Variants in SUGCT observed in about 807,000 individuals in gnomAD.
SUGCT encodes the protein succinyl-CoA:glutarate CoA-transferase.
A neutral mutation model predicts 55.0 loss-of-function variants in SUGCT; 41 were observed. The observed-to-expected ratio is 0.74, with a 90% CI of 0.58 to 0.97. The LOEUF is 0.97. Among genes scored for constraint, SUGCT ranks in the 50% least tolerant of loss-of-function variants. The pLI is 0.00. For synonymous variants in SUGCT, 187 were observed against 200.4 expected (o/e 0.93, Z 0.56); for missense variants, 568 against 547.8 (o/e 1.04, Z -0.37).
At chr7:40,215,816 C>T (rs1009508425) in intron 6 of SUGCT, among the ~76,000 whole-genome samples, 20 of 151,200 alleles carry the variant, frequency 1.3e-4, no homozygotes, top group African/African-American at 3.4e-4. Context: ...GAGCCGAGAT[C>T]GCGCCACTGC....
chr7:40,169,084 T>A (rs1784552391), intron 1 of SUGCT, among the ~76,000 whole-genome samples: 1 of 152,182 alleles, frequency 6.6e-6, no homozygotes, highest in South Asian at 2.1e-4. Context: ...CTCTCCATAT[T>A]GCTGTGTGGG....
intron 12 of SUGCT, among the ~76,000 whole-genome samples, chr7:40,704,844 C>T (rs982511428): frequency 3.3e-5 from 5 of 152,130 alleles, no homozygotes; most frequent in Admixed American, 2.0e-4. Flanking sequence ...GTTTCACAGA[C>T]GGTAAAGCTG....
At chr7:40,927,944 T>G in the SUGCT span, among the ~76,000 whole-genome samples, 1 of 152,198 alleles carries the variant, frequency 6.6e-6, no homozygotes, top group African/African-American at 2.4e-5. Flanking sequence ...TTATTTTTCC[T>G]TGGCATTTAA....
chr7:40,454,801 G>T (rs1789388157), intron 10 of SUGCT, among the ~76,000 whole-genome samples: 1 of 152,114 alleles, frequency 6.6e-6, no homozygotes, highest in Non-Finnish European at 1.5e-5. Context: ...AAGATGTTCT[G>T]TATAAAGGAA....
At chr7:40,811,711 A>T (rs1321792191) in intron 13 of SUGCT, among the ~76,000 whole-genome samples, 2 of 151,996 alleles carry the variant, frequency 1.3e-5, no homozygotes, top group Non-Finnish European at 2.9e-5. Flanking sequence ...TACCGTCCTT[A>T]AAGAGAGATA....
the SUGCT span, among the ~76,000 whole-genome samples, chr7:40,889,239 T>C: frequency 1.3e-5 from 2 of 152,060 alleles, no homozygotes; most frequent in Non-Finnish European, 2.9e-5. Flanking sequence ...TCAAGGGACA[T>C]CTGGAAAGTA....
downstream of SUGCT, among the ~76,000 whole-genome samples, chr7:40,865,053 T>C (rs2128811798): frequency 6.6e-6 from 1 of 152,206 alleles, no homozygotes; most frequent in East Asian, 1.9e-4. Context: ...CTCCCGTTCT[T>C]ACCTGTCTTT....
intron 7 of SUGCT, among the ~76,000 whole-genome samples, chr7:40,256,585 CT>C (rs1158742418): frequency 6.6e-6 from 1 of 151,958 alleles, no homozygotes; most frequent in Admixed American, 6.6e-5. Flanking sequence ...GGTGTATTTC[CT>C]TTTTTGGGGA....
At chr7:40,586,136 G>A (rs1797365762) in intron 12 of SUGCT, among the ~76,000 whole-genome samples, 1 of 152,120 alleles carries the variant, frequency 6.6e-6, no homozygotes, top group Non-Finnish European at 1.5e-5. Flanking sequence ...GTCTTGCACA[G>A]AATAGGAGCT....
chr7:40,494,884 T>C (rs1562816583), intron 11 of SUGCT, among the ~76,000 whole-genome samples: 1 of 151,946 alleles, frequency 6.6e-6, no homozygotes, highest in Non-Finnish European at 1.5e-5. Context: ...TGAAGTGTAC[T>C]TCAGTATTGA....
At chr7:40,800,445 C>G (rs986174078) in intron 13 of SUGCT, among the ~76,000 whole-genome samples, 1 of 151,974 alleles carries the variant, frequency 6.6e-6, no homozygotes, top group Non-Finnish European at 1.5e-5. Flanking sequence ...CCCGCCATCA[C>G]GCCTGGCTAA....
chr7:40,416,216 T>A (rs1471330701), intron 9 of SUGCT, among the ~76,000 whole-genome samples: 2 of 151,878 alleles, frequency 1.3e-5, no homozygotes, highest in Non-Finnish European at 1.5e-5. Flanking sequence ...TTTAATTTCT[T>A]GTTTTTGTTA....
intron 12 of SUGCT, among the ~76,000 whole-genome samples, chr7:40,710,569 T>C (rs1050973499): frequency 1.3e-4 from 20 of 152,182 alleles, no homozygotes; most frequent in African/African-American, 4.6e-4. Flanking sequence ...TTTAAAGATG[T>C]GTGTGTCTGT....
At chr7:41,017,499 G>A in the SUGCT span, among the ~76,000 whole-genome samples, 54 of 152,170 alleles carry the variant, frequency 3.5e-4, no homozygotes, top group Admixed American at 1.2e-3. Context: ...GGCCGGGTGC[G>A]GTGGCTCACG....
At position 40,666,506 on chromosome 7, in the gene SUGCT, G is replaced by A. The variant is rs1584240012; in HGVS notation, c.1090-82928G>A. Among the ~76,000 whole-genome samples, 4 of 141,090 alleles carry A rather than the reference G, an allele frequency of 2.8e-5. No individual in the cohort carries two copies. The East Asian group carries it at 8.5e-4, about 30-fold the overall frequency. 92.6% of individuals were successfully genotyped at this position (141,090 alleles called of 152,430 possible). A position where few individuals can be genotyped will look rare whatever the true frequency, so the allele number is the denominator to read the frequency against. ...ATGTTTTCCATTTTTCCCAGGGACTGGTAAACAAGAATGTTTTCAAAGAAT... is the reference window on the plus strand; with the variant it reads ...ATGTTTTCCATTTTTCCCAGGGACTAGTAAACAAGAATGTTTTCAAAGAAT... On this transcript the variant is annotated intron_variant, in intron 12 of 13. Coordinates refer to ENST00000335693, the MANE Select transcript of SUGCT (RefSeq NM_001193313.2).
At chr7:40,635,317 A>G (rs1198616546) in intron 12 of SUGCT, among the ~76,000 whole-genome samples, 2 of 152,116 alleles carry the variant, frequency 1.3e-5, no homozygotes, top group African/African-American at 2.4e-5. Context: ...ACAAAACAAA[A>G]AAAAACACAT....
intron 5 of SUGCT, among the ~76,000 whole-genome samples, chr7:40,191,558 G>T (rs1012587972): frequency 6.6e-6 from 1 of 152,022 alleles, no homozygotes. Flanking sequence ...TATCTTTCCT[G>T]TAGCATAACT....
chr7:41,028,796 C>A, the SUGCT span, among the ~76,000 whole-genome samples: 1 of 152,142 alleles, frequency 6.6e-6, no homozygotes, highest in Non-Finnish European at 1.5e-5. Flanking sequence ...ACAGACAACG[C>A]CAGTATGCTC....
At chr7:40,811,018 A>G (rs1434696589) in intron 13 of SUGCT, among the ~76,000 whole-genome samples, 1 of 152,174 alleles carries the variant, frequency 6.6e-6, no homozygotes, top group Non-Finnish European at 1.5e-5. Context: ...TGAATAGGGA[A>G]TCCTTTCCCC....
Sources: allele counts gnomAD v4.1 joint callset (sites outside exome capture counted in the v4.1 genomes callset), GRCh38; gene constraint gnomAD v4.1.1; transcripts MANE v1.5; gene names NCBI Gene and HGNC (gene_info 2026-07-23, HGNC 2026-07-21).